The following IKBKB-DT variants were observed in gnomAD, a reference collection of about 807,000 sequenced individuals.
IKBKB-DT encodes the protein IKBKB divergent transcript.
intron 3 of IKBKB-DT, among the ~76,000 whole-genome samples, chr8:42,238,413 G>A (rs1329702754): frequency 6.6e-6 from 1 of 152,180 alleles, no homozygotes; most frequent in Admixed American, 6.5e-5. Flanking sequence ...GATGATAATA[G>A]CCCCTCCATA....
intron 3 of IKBKB-DT, among the ~76,000 whole-genome samples, chr8:42,239,171 C>A (rs1016325361): frequency 6.6e-6 from 1 of 152,062 alleles, no homozygotes; most frequent in Non-Finnish European, 1.5e-5. Context: ...TAGTCTAATG[C>A]CCCAAAAGTC....
chr8:42,250,633 C>A (rs758137635), intron 3 of IKBKB-DT, among the ~76,000 whole-genome samples: 3 of 151,846 alleles, frequency 2.0e-5, no homozygotes, highest in Admixed American at 6.6e-5. Flanking sequence ...AAGACAGGGC[C>A]GGGAGGGGTG....
intron 3 of IKBKB-DT, among the ~76,000 whole-genome samples, chr8:42,258,890 GAAATTTCTAGTTTTCACTAGA>G (rs1264358564): frequency 6.6e-6 from 1 of 152,108 alleles, no homozygotes; most frequent in African/African-American, 2.4e-5. Flanking sequence ...CAATCATTAA[GAAATTTCTAGTTTTCACTAGA>G]AATTAAGCAA....
intron 3 of IKBKB-DT, among the ~76,000 whole-genome samples, chr8:42,258,872 A>C (rs75282203): frequency 0.023 from 3,557 of 152,236 alleles, 147 homozygotes; most frequent in African/African-American, 0.081. Context: ...AATCATTAAG[A>C]AATTAAGCAA....
chr8:42,260,088 T>C (rs538995225), intron 3 of IKBKB-DT, among the ~76,000 whole-genome samples: 3 of 148,716 alleles, frequency 2.0e-5, no homozygotes, highest in East Asian at 2.0e-4. Context: ...AAGGAAGAGG[T>C]TGTAGGGGAG....
intron 3 of IKBKB-DT, among the ~76,000 whole-genome samples, chr8:42,257,176 G>T (rs528972930): frequency 3.3e-5 from 5 of 152,052 alleles, no homozygotes; most frequent in African/African-American, 1.2e-4. Context: ...GTAATTTAAC[G>T]TACCAAATTA....
intron 2 of IKBKB-DT, among the ~76,000 whole-genome samples, chr8:42,265,192 T>A (rs1203571035): frequency 1.3e-5 from 2 of 152,184 alleles, no homozygotes; most frequent in African/African-American, 4.8e-5. Context: ...AGATAGGTTC[T>A]TGTTATGTTT....
chr8:42,255,897 G>A (rs1214446155), intron 3 of IKBKB-DT, among the ~76,000 whole-genome samples: 1 of 151,772 alleles, frequency 6.6e-6, no homozygotes, highest in Non-Finnish European at 1.5e-5. Context: ...GTGGTGGCGG[G>A]CACCTGTAAT....
At chr8:42,255,844 T>A (rs1807192130) in intron 3 of IKBKB-DT, among the ~76,000 whole-genome samples, 2 of 151,422 alleles carry the variant, frequency 1.3e-5, no homozygotes, top group Admixed American at 1.3e-4. Flanking sequence ...GCCAACAGAG[T>A]GAAACCCCGT....
At chr8:42,267,337 G>A (rs1050064276) in intron 1 of IKBKB-DT, among the ~76,000 whole-genome samples, 6 of 151,988 alleles carry the variant, frequency 3.9e-5, no homozygotes, top group African/African-American at 9.7e-5. Context: ...TTACTGACTC[G>A]CCCTGAATTC....
At chr8:42,259,811 G>A (rs899168347) in intron 3 of IKBKB-DT, among the ~76,000 whole-genome samples, 1 of 151,996 alleles carries the variant, frequency 6.6e-6, no homozygotes, top group Non-Finnish European at 1.5e-5. Flanking sequence ...GCAAAACCCT[G>A]TCTCTTCGAA....
At chr8:42,239,802 C>G (rs1311118791) in intron 3 of IKBKB-DT, among the ~76,000 whole-genome samples, 1 of 150,842 alleles carries the variant, frequency 6.6e-6, no homozygotes, top group Non-Finnish European at 1.5e-5. Context: ...CCACCCACAG[C>G]TAATTTTTGT....
intron 3 of IKBKB-DT, among the ~76,000 whole-genome samples, chr8:42,247,711 A>G (rs1383951485): frequency 6.6e-6 from 1 of 152,184 alleles, no homozygotes; most frequent in Non-Finnish European, 1.5e-5. Flanking sequence ...TGCTGTTCCC[A>G]TGATAGTGAG....
intron 3 of IKBKB-DT, among the ~76,000 whole-genome samples, chr8:42,247,509 T>A (rs1807077992): frequency 6.6e-6 from 1 of 152,146 alleles, no homozygotes; most frequent in Admixed American, 6.5e-5. Flanking sequence ...AATACTGGAA[T>A]GAATTAAGAC....
At chr8:42,262,640 C>T (rs576924133) in intron 3 of IKBKB-DT, among the ~76,000 whole-genome samples, 141 of 151,974 alleles carry the variant, frequency 9.3e-4, no homozygotes, top group African/African-American at 2.8e-3. Flanking sequence ...GGGGTTTCAC[C>T]GTGTTAGCCA....
chr8:42,240,754 A>T (rs3109598), intron 3 of IKBKB-DT, among the ~76,000 whole-genome samples: 7,690 of 151,376 alleles, frequency 0.051, 258 homozygotes, highest in Middle Eastern at 0.079. Context: ...AGGTGGGTGG[A>T]TCACAAGGTC....
chr8:42,269,849 T>C (rs1487457396), intron 1 of IKBKB-DT, among the ~76,000 whole-genome samples: 1 of 152,150 alleles, frequency 6.6e-6, no homozygotes, highest in Non-Finnish European at 1.5e-5. Flanking sequence ...CTCCTTTCTA[T>C]GACTTTCTAT....
At chr8:42,251,828 C>CAAAAAAAAAAAAAAAAAAAAAAAAAAAAA (rs59420104) in intron 3 of IKBKB-DT, among the ~76,000 whole-genome samples, 7 of 91,456 alleles carry the variant, frequency 7.7e-5, no homozygotes, top group African/African-American at 2.3e-4. Context: ...GACTCCATCT[C>CAAAAAAAAAAAAAAAAAAAAAAAAAAAAA]AAAAAAAAAA....
intron 3 of IKBKB-DT, among the ~76,000 whole-genome samples, chr8:42,254,154 G>T (rs1807163822): frequency 6.6e-6 from 1 of 152,210 alleles, no homozygotes; most frequent in Non-Finnish European, 1.5e-5. Context: ...GTTACTATTT[G>T]TTCCTAATCA....
Sources: gnomAD v4.1 joint callset for allele counts (sites outside exome capture counted in the v4.1 genomes callset) on GRCh38, gnomAD v4.1.1 for gene constraint, MANE v1.5 for transcripts, NCBI Gene and HGNC (gene_info 2026-07-23, HGNC 2026-07-21) for gene names.